Variants in NEMF observed in about 807,000 individuals in gnomAD.
NEMF encodes the protein nuclear export mediator factor, also known as ribosome quality control complex subunit NEMF.
In NEMF, 89 loss-of-function variants were observed where a neutral mutation model predicts 162.2. The observed-to-expected ratio is 0.55, with a 90% CI of 0.46 to 0.65. The LOEUF (loss-of-function observed/expected upper bound fraction) is 0.65. NEMF is among the 30% of genes least tolerant of loss of function. The pLI is 0.00. For missense variants in NEMF, 1,133 were observed against 1,261.9 expected, an observed-to-expected ratio of 0.90 and a Z score of 1.55; for synonymous variants, 421 against 404.5, an observed-to-expected ratio of 1.04 and a Z score of -0.49.
intron 4 of NEMF, among the ~76,000 whole-genome samples, chr14:49,841,756 A>G (rs1186251164): frequency 6.6e-6 from 1 of 152,154 alleles, no homozygotes; most frequent in African/African-American, 2.4e-5. Context: ...TTGGTAATGT[A>G]GCCCAATGAA....
At chr14:49,797,548 T>G (rs568343798) in intron 25 of NEMF, 7 of 152,068 alleles carry the variant, frequency 4.6e-5, no homozygotes, top group Admixed American at 1.3e-4. Context: ...GGCAGGAGAA[T>G]AGCATGAATC....
chr14:49,797,878 C>A (rs1182990645), intron 25 of NEMF, among the ~76,000 whole-genome samples: 4 of 152,228 alleles, frequency 2.6e-5, no homozygotes, highest in Non-Finnish European at 4.4e-5. Flanking sequence ...CTGGCCACGG[C>A]TACCATCTGT....
chr14:49,797,013 C>T (rs932033044), intron 25 of NEMF, among the ~76,000 whole-genome samples: 5 of 152,192 alleles, frequency 3.3e-5, no homozygotes, highest in African/African-American at 9.7e-5. Flanking sequence ...TACTCTTGAA[C>T]TACTTTATCA....
At chr14:49,823,289 GAC>G (rs986552698) in intron 16 of NEMF, among the ~76,000 whole-genome samples, 1 of 151,606 alleles carries the variant, frequency 6.6e-6, no homozygotes, top group African/African-American at 2.4e-5. Context: ...ACTTGGAGAA[GAC>G]AGAGACTTGC....
At position 49,782,144 on chromosome 14, in the gene NEMF, C is replaced by T. The variant is rs1889932321; in HGVS notation, c.*2492G>A. 6.0e-6 allele frequency: 3 copies of T among 499,702 alleles called. No homozygotes were observed. Among genetic ancestry groups the T allele is most frequent in the Non-Finnish European group, 1.1e-5 (3 of 283,560 alleles). 31.0% of individuals were successfully genotyped at this position (499,702 alleles called of 1,614,324 possible). ...AACAGATCGTTCAGTTCAAACTCCT[C>T]ATTGCATAAATGAGAACGACCAGAG... On this transcript the variant is annotated 3_prime_UTR_variant, in exon 33 of 33. Coordinates refer to ENST00000298310, the MANE Select transcript of NEMF (RefSeq NM_004713.6).
At chr14:49,793,338 G>T (rs1890541674) in intron 26 of NEMF, among the ~76,000 whole-genome samples, 1 of 152,182 alleles carries the variant, frequency 6.6e-6, no homozygotes, top group South Asian at 2.1e-4. Flanking sequence ...TGATCAACAT[G>T]AAAGTTGTCT....
chr14:49,807,236 T>A (rs1199145481), intron 18 of NEMF, among the ~76,000 whole-genome samples: 1 of 152,280 alleles, frequency 6.6e-6, no homozygotes, highest in African/African-American at 2.4e-5. Context: ...TTTGCAAGTC[T>A]GAATAATATT....
rs1292732947 is a variant in NEMF, at chr14:49,784,005, G to GT, written c.*630dup. 6.6e-6 allele frequency: 1 copy of GT among 151,902 alleles called. No homozygotes were observed. The highest frequency in any genetic ancestry group is 1.5e-5 in the Non-Finnish European group (1 of 67,956). The allele number at this position is 151,902 out of a possible 1,614,324, so 9.4% of individuals were successfully genotyped here. A position where few individuals can be genotyped will look rare whatever the true frequency, so the allele number is the denominator to read the frequency against. On this transcript the variant is annotated 3_prime_UTR_variant, in exon 33 of 33. Coordinates refer to ENST00000298310, the MANE Select transcript of NEMF (RefSeq NM_004713.6). ...ATACAGTAGACTTACCAAGTCAATA[G>GT]TTTAAGCAATCAAGCCACTTCACTG...
rs78140841 is a variant in NEMF, at chr14:49,849,310, T to G, written c.231+2253A>C. On this transcript the variant is annotated intron_variant, in intron 3 of 32. Transcript: ENST00000298310. Reference sequence around the variant, plus strand: ...CACAAAGGAATAGTAAAAAGGGGATTATTTATCATGGAGAGTACAGATGGA... The same window carrying G: ...CACAAAGGAATAGTAAAAAGGGGATGATTTATCATGGAGAGTACAGATGGA... Among the ~76,000 whole-genome samples, 25 of 152,324 alleles carry G rather than the reference T, an allele frequency of 1.6e-4. No individual in the cohort carries two copies. In the East Asian group the frequency reaches 3.7e-3, roughly 22 times the overall value.
At chr14:49,807,472 AT>A in intron 18 of NEMF, among the ~76,000 whole-genome samples, 1 of 152,116 alleles carries the variant, frequency 6.6e-6, no homozygotes. Context: ...CAGCAGCTGT[AT>A]CATTGTCCAT....
intron 16 of NEMF, among the ~76,000 whole-genome samples, chr14:49,820,753 G>A (rs1383599524): frequency 7.9e-5 from 12 of 152,058 alleles, no homozygotes. Flanking sequence ...GAGTGCCTGC[G>A]ATTGCAGGTG....
intron 10 of NEMF, 36 bp from the exon 11 acceptor site, chr14:49,831,397 A>C (rs1273302068): frequency 7.8e-7 from 1 of 1,279,864 alleles, no homozygotes; most frequent in East Asian, 2.3e-5. Flanking sequence ...TGGAAAAAAA[A>C]GCACAGTCTC....
Position 49,783,042 on chromosome 14 carries a change from T to G in NEMF, c.*1594A>C. The G allele has an allele frequency of 1.5e-6, 2 of 1,370,138 alleles. No homozygotes were observed. The highest frequency in any genetic ancestry group is 2.0e-6 in the Non-Finnish European group (2 of 1,004,532). 84.9% of individuals were successfully genotyped at this position (1,370,138 alleles called of 1,614,324 possible). A position where few individuals can be genotyped will look rare whatever the true frequency, so the allele number is the denominator to read the frequency against. ...GGCATCATTTGTATAATTATATGCA[T>G]TGTTGTAGTTTGCACCTGTTGGTTT... On this transcript the variant is annotated 3_prime_UTR_variant, in exon 33 of 33. Transcript: ENST00000298310.
Position 49,830,866 on chromosome 14 carries a change from C to T in NEMF, c.945+433G>A, listed in dbSNP as rs1892599442. 2.0e-5 allele frequency among the ~76,000 whole-genome samples: 3 copies of T among 152,146 alleles called. No homozygotes were observed. In the South Asian group the frequency reaches 6.2e-4, roughly 31 times the overall value. ...TCACTTCTTTTGGAGTCATGATACA[C>T]AGAAAACATATTAAGACTTGGCTTT... On this transcript the variant is annotated intron_variant, in intron 11 of 32. Coordinates refer to ENST00000298310, the MANE Select transcript of NEMF (RefSeq NM_004713.6).
At chr14:49,787,844 A>T (rs1390454017) in intron 28 of NEMF, among the ~76,000 whole-genome samples, 1 of 152,226 alleles carries the variant, frequency 6.6e-6, no homozygotes, top group African/African-American at 2.4e-5. Flanking sequence ...AGCAGGAAAA[A>T]AAAGAAAATA....
At chr14:49,838,296 C>A (rs1893007527) in intron 5 of NEMF, 90 bp from the exon 6 acceptor site, 3 of 971,966 alleles carry the variant, frequency 3.1e-6, no homozygotes, top group African/African-American at 1.6e-5. Context: ...TGTATCAGTT[C>A]ACCTGATCTT....
intron 7 of NEMF, among the ~76,000 whole-genome samples, chr14:49,833,817 C>G (rs1386940369): frequency 6.6e-6 from 1 of 152,072 alleles, no homozygotes; most frequent in African/African-American, 2.4e-5. Flanking sequence ...CAAAAACTTA[C>G]AGTTTTAATT....
intron 5 of NEMF, among the ~76,000 whole-genome samples, chr14:49,840,099 G>A (rs993765903): frequency 2.0e-5 from 3 of 152,086 alleles, no homozygotes; most frequent in African/African-American, 7.2e-5. Context: ...GTTCAAGACT[G>A]CAGTGAGCTA....
At chr14:49,812,327 G>T (rs577441319) in intron 18 of NEMF, among the ~76,000 whole-genome samples, 1 of 152,130 alleles carries the variant, frequency 6.6e-6, no homozygotes, top group Admixed American at 6.5e-5. Context: ...CTAGCCAAGG[G>T]TTTATCAATT....
Sources: allele counts gnomAD v4.1 joint callset (sites outside exome capture counted in the v4.1 genomes callset), GRCh38; gene constraint gnomAD v4.1.1; transcripts MANE v1.5; gene names NCBI Gene and HGNC (gene_info 2026-07-23, HGNC 2026-07-21).